Variants in OSBPL1A observed in about 807,000 individuals in gnomAD.
OSBPL1A encodes the protein oxysterol binding protein like 1A.
OSBPL1A carries 80 observed loss-of-function variants against 137.1 expected under a neutral mutation model. That is an observed-to-expected ratio of 0.58 (90% CI 0.49 to 0.70). The LOEUF (loss-of-function observed/expected upper bound fraction) is 0.70, where lower values mean the gene tolerates loss of function less well. Among genes scored for constraint, OSBPL1A ranks in the 30% least tolerant of loss-of-function variants. OSBPL1A has a pLI of 0.00. For synonymous variants in OSBPL1A, 365 were observed against 389.7 expected, an observed-to-expected ratio of 0.94 and a Z score of 0.75; for missense variants, 970 against 1,129.4, an observed-to-expected ratio of 0.86 and a Z score of 2.02.
chr18:24,395,913 C>T (rs546279486), intron 1 of OSBPL1A, among the ~76,000 whole-genome samples: 1 of 149,682 alleles, frequency 6.7e-6, no homozygotes, highest in African/African-American at 2.4e-5. Flanking sequence ...TGAGCCATGG[C>T]ACCCGGCCAG....
rs557135943 is a variant in OSBPL1A, at chr18:24,341,645, A to T, written c.296T>A (p.Leu99His). 1 of 1,600,960 alleles carries T rather than the reference A, an allele frequency of 6.2e-7. No individual in the cohort carries two copies. Among genetic ancestry groups the T allele is most frequent in the East Asian group, 2.2e-5 (1 of 44,734 alleles). ...AGTATCAGCATTATATTCTAAGAGAAGCATTACCAACTCCTAAAAATCAGA... is the reference window on the plus strand; with the variant it reads ...AGTATCAGCATTATATTCTAAGAGATGCATTACCAACTCCTAAAAATCAGA... ...AFTGRKELVM[L>H]LLEYNADTTI... Residue 99 changes from leucine to histidine, a missense_variant, in exon 5 of 28, where the codon CTT (leucine) becomes CAT (histidine). Leu to His is a moderately conservative substitution (Grantham distance 99). Transcript: ENST00000319481.
At chr18:24,279,354 A>G (rs1171040469) in intron 15 of OSBPL1A, among the ~76,000 whole-genome samples, 2 of 151,790 alleles carry the variant, frequency 1.3e-5, no homozygotes, top group Non-Finnish European at 2.9e-5. Flanking sequence ...ACTTGAGCCC[A>G]GGAGGCTGAG....
intron 7 of OSBPL1A, among the ~76,000 whole-genome samples, chr18:24,320,175 A>G (rs1191090540): frequency 6.6e-6 from 1 of 152,012 alleles, no homozygotes; most frequent in Non-Finnish European, 1.5e-5. Flanking sequence ...ATTTTTTTGT[A>G]TGATATCCCC....
intron 15 of OSBPL1A, among the ~76,000 whole-genome samples, chr18:24,264,675 G>A (rs1599585542): frequency 6.6e-6 from 1 of 152,258 alleles, no homozygotes; most frequent in East Asian, 1.9e-4. Flanking sequence ...AATACCCTTG[G>A]CCATCTGCTT....
rs1469514243 is a variant in OSBPL1A at position 24,377,405 on chromosome 18, A to G, written c.121+8T>C. 6.2e-7 allele frequency: 1 copy of G among 1,602,710 alleles called. No individual in the cohort carries two copies. Among genetic ancestry groups the G allele is most frequent in the East Asian group, 2.2e-5 (1 of 44,788 alleles). The stretch of plus-strand genomic sequence containing the variant: ...AAGAGAAAGCTACAAAATCCATTCA[A>G]AGTTTACCTTTGCAATTAATGTCAG... On this transcript the variant is annotated splice_region_variant and intron_variant, in intron 2 of 27. Coordinates refer to ENST00000319481, the MANE Select transcript of OSBPL1A (RefSeq NM_080597.4).
At chr18:24,249,511 G>A (rs75482855) in intron 15 of OSBPL1A, among the ~76,000 whole-genome samples, 2,920 of 152,262 alleles carry the variant, frequency 0.019, 89 homozygotes, top group African/African-American at 0.066. Context: ...AGGTATTGAG[G>A]AGGGTCCAAC....
chr18:24,223,518 C>G (rs1374357511), intron 17 of OSBPL1A, among the ~76,000 whole-genome samples: 2 of 152,086 alleles, frequency 1.3e-5, no homozygotes, highest in Non-Finnish European at 2.9e-5. Context: ...CACCTGCTTG[C>G]ATTTCTTTGT....
intron 17 of OSBPL1A, among the ~76,000 whole-genome samples, chr18:24,199,640 C>A (rs2087155428): frequency 6.6e-6 from 1 of 152,112 alleles, no homozygotes; most frequent in Non-Finnish European, 1.5e-5. Flanking sequence ...TTAGACATTA[C>A]CTCTTTTGTA....
At position 24,195,171 on chromosome 18, in the gene OSBPL1A, C is replaced by T. The variant is rs62087970; in HGVS notation, c.1677+954G>A. Reference sequence around the variant, plus strand: ...AAAAAATTAGCCAGGTGTGGCACGACGCGCCTGTGGTCCCAGCTACTCAGG... The same window carrying T: ...AAAAAATTAGCCAGGTGTGGCACGATGCGCCTGTGGTCCCAGCTACTCAGG... On this transcript the variant is annotated intron_variant, in intron 18 of 27. Coordinates refer to ENST00000319481, the MANE Select transcript of OSBPL1A (RefSeq NM_080597.4). Among the ~76,000 whole-genome samples, 778 of 152,002 alleles carry T rather than the reference C, an allele frequency of 5.1e-3. 3 individuals carry two copies. Among genetic ancestry groups the T allele is most frequent in the Middle Eastern group, 0.031 (9 of 292 alleles).
intron 15 of OSBPL1A, among the ~76,000 whole-genome samples, chr18:24,267,164 A>T (rs1211449109): frequency 6.7e-6 from 1 of 150,262 alleles, no homozygotes; most frequent in East Asian, 1.9e-4. Context: ...AAAAAAAAAA[A>T]AGAAAGAAAA....
At chr18:24,342,992 T>C (rs1261017456) in intron 4 of OSBPL1A, among the ~76,000 whole-genome samples, 1 of 152,086 alleles carries the variant, frequency 6.6e-6, no homozygotes, top group East Asian at 1.9e-4. Flanking sequence ...GGTAACATTT[T>C]GGGGCTCATG....
chr18:24,295,174 A>G (rs2090265987), intron 14 of OSBPL1A, among the ~76,000 whole-genome samples: 1 of 152,042 alleles, frequency 6.6e-6, no homozygotes, highest in Non-Finnish European at 1.5e-5. Context: ...AGTGCTGTTG[A>G]GCATTTTTTT....
intron 15 of OSBPL1A, among the ~76,000 whole-genome samples, chr18:24,270,720 A>G (rs534155517): frequency 6.6e-6 from 1 of 152,238 alleles, no homozygotes; most frequent in Non-Finnish European, 1.5e-5. Flanking sequence ...ATGGAAAGCA[A>G]GTTTGTATTT....
intron 17 of OSBPL1A, among the ~76,000 whole-genome samples, chr18:24,211,244 G>A (rs995433343): frequency 3.9e-5 from 6 of 152,124 alleles, no homozygotes; most frequent in Non-Finnish European, 4.4e-5. Context: ...TGGGATTTAC[G>A]GGCATAAGCC....
chr18:24,311,176 T>C (rs1481944057), intron 13 of OSBPL1A, among the ~76,000 whole-genome samples: 1 of 152,184 alleles, frequency 6.6e-6, no homozygotes, highest in African/African-American at 2.4e-5. Context: ...GTCCCTAAGT[T>C]GATAAAACTC....
intron 14 of OSBPL1A, among the ~76,000 whole-genome samples, chr18:24,294,145 G>T (rs1057367554): frequency 4.0e-5 from 6 of 151,694 alleles, no homozygotes; most frequent in Admixed American, 1.3e-4. Context: ...ACATGCATAA[G>T]TTCCTTAGTG....
intron 7 of OSBPL1A, among the ~76,000 whole-genome samples, chr18:24,319,495 A>T (rs1159079464): frequency 6.6e-6 from 1 of 152,210 alleles, no homozygotes; most frequent in Non-Finnish European, 1.5e-5. Context: ...GATGGTCCAC[A>T]ATTTAGGACA....
At chr18:24,269,985 CTT>C (rs2089678987) in intron 15 of OSBPL1A, among the ~76,000 whole-genome samples, 1 of 152,060 alleles carries the variant, frequency 6.6e-6, no homozygotes, top group Non-Finnish European at 1.5e-5. Flanking sequence ...CTATTTATAA[CTT>C]ATGTCTTAGC....
At chr18:24,314,500 T>G (rs954778381) in intron 11 of OSBPL1A, among the ~76,000 whole-genome samples, 153 bp from the exon 12 acceptor site, 1 of 152,196 alleles carries the variant, frequency 6.6e-6, no homozygotes, top group African/African-American at 2.4e-5. Context: ...AAAAATAGAT[T>G]ACAGTGGGAG....
Sources: gnomAD v4.1 joint callset for allele counts (sites outside exome capture counted in the v4.1 genomes callset) on GRCh38, gnomAD v4.1.1 for gene constraint, MANE v1.5 for transcripts, NCBI Gene and HGNC (gene_info 2026-07-23, HGNC 2026-07-21) for gene names.